The following MEGF8 variants were observed in gnomAD, a reference collection of about 807,000 sequenced individuals.
MEGF8 encodes multiple epidermal growth factor-like domains protein 8.
In MEGF8, 156 loss-of-function variants were observed where a neutral mutation model predicts 302.9. The ratio of observed to expected loss-of-function variants is 0.52; its 90% CI spans 0.45 to 0.59. MEGF8 has a LOEUF of 0.59. MEGF8 is among the 20% of genes least tolerant of loss of function. MEGF8 has a pLI of 0.00. For synonymous variants in MEGF8, 1,621 were observed against 1,660.5 expected (o/e 0.98, Z 0.58); for missense variants, 3,345 against 3,964.5 (o/e 0.84, Z 4.20).
In MEGF8 at chr19:42,356,925, G is replaced by A. The variant is rs758801392; in HGVS notation, c.4774G>A (p.Val1592Ile). Residue 1592 changes from valine to isoleucine, a missense_variant, in exon 27 of 42, where the codon GTC becomes ATC. Transcript: ENST00000251268. The surrounding 1 kb of genome is among the most constrained non-coding windows in gnomAD (Gnocchi z 5.2). ...GCTGGGGGGACTTACCGCTGGAGGC[G>A]TCACCCGTGATTTCTGGGTCCTCAA... is the stretch of plus-strand genomic sequence containing the variant. Reference protein sequence around the residue: ...YLLGGLTAGGVTRDFWVLNLT... With the variant: ...YLLGGLTAGGITRDFWVLNLT... 48 of 1,610,726 alleles carry A rather than the reference G, an allele frequency of 3.0e-5. No individual in the cohort carries two copies. The East Asian group carries it at 9.1e-4, about 31-fold the overall frequency.
rs1309792941 is a variant in MEGF8, at chr19:42,375,501, C to T, written c.7270-6C>T. ...TGATGGTCACCGCCTCTAACCCTGC[C>T]CGCAGTGCGCCAAGTGCCGGGAATC... On this transcript the variant is annotated splice_polypyrimidine_tract_variant and splice_region_variant and intron_variant, in intron 41 of 41. Transcript: ENST00000251268. This position sits in a 1 kb window ranked among gnomAD's most constrained non-coding sequence, Gnocchi z 7.1. The T allele has an allele frequency of 6.4e-7, 1 of 1,570,876 alleles. No homozygotes were observed. The highest frequency in any genetic ancestry group is 2.3e-5 in the East Asian group (1 of 42,700).
rs762452124 is a variant in MEGF8, at chr19:42,353,723, C to T, written c.3761+48C>T. On this transcript the variant is annotated intron_variant, in intron 21 of 41. Transcript: ENST00000251268. The surrounding 1 kb of genome is among the most constrained non-coding windows in gnomAD (Gnocchi z 6.1). The stretch of plus-strand genomic sequence containing the variant: ...GCTGGGTAGGGTGTGCTTGGGGACA[C>T]AGTGGGGAGGGTCAGGACTGGTCTG... 14 of 1,573,562 alleles carry T rather than the reference C, an allele frequency of 8.9e-6. No individual in the cohort carries two copies. The African/African-American group carries it at 1.3e-4, about 15-fold the overall frequency.
Position 42,353,624 on chromosome 19 carries a change from C to G in MEGF8, c.3710C>G (p.Thr1237Ser). ...LSGLCFCQDH[T>S]EGAHCQLCSP... The stretch of plus-strand genomic sequence containing the variant: ...GGGCTCTGCTTCTGCCAGGACCACA[C>G]CGAGGGTGCCCACTGCCAGCTCTGC... Residue 1237 changes from threonine (T) to serine (S), a missense_variant, in exon 21 of 42, where the codon ACC becomes AGC. Physicochemically the swap from Thr to Ser is moderately conservative, Grantham distance 58. Coordinates refer to ENST00000251268, the MANE Select transcript of MEGF8 (RefSeq NM_001271938.2). The surrounding 1 kb of genome is among the most constrained non-coding windows in gnomAD (Gnocchi z 6.1). 1 of 1,582,282 alleles carries G rather than the reference C, an allele frequency of 6.3e-7. No individual in the cohort carries two copies.
rs765821385 is a variant in MEGF8 at position 42,351,638 on chromosome 19, C to T, written c.2988-10C>T. The T allele has an allele frequency of 8.8e-6, 14 of 1,590,790 alleles. No individual in the cohort carries two copies. In the South Asian group the frequency reaches 1.6e-4, roughly 18 times the overall value. ...CTGGGGCTCTGACCCCCACCCCTGCCATCCTGCAGTGTACACTCGGAGCCA... is the reference window on the plus strand; with the variant it reads ...CTGGGGCTCTGACCCCCACCCCTGCTATCCTGCAGTGTACACTCGGAGCCA... On this transcript the variant is annotated splice_polypyrimidine_tract_variant and intron_variant, in intron 17 of 41. Coordinates refer to ENST00000251268, the MANE Select transcript of MEGF8 (RefSeq NM_001271938.2). The surrounding 1 kb of genome is among the most constrained non-coding windows in gnomAD (Gnocchi z 5.6).
intron 1 of MEGF8, among the ~76,000 whole-genome samples, chr19:42,328,463 G>A (rs764402861): frequency 1.2e-4 from 19 of 152,098 alleles, no homozygotes; most frequent in Non-Finnish European, 2.5e-4. Context: ...TCTGGCTGCT[G>A]TGTGGGGTAT....
At chr19:42,346,633 C>T (rs535843160) in intron 12 of MEGF8, among the ~76,000 whole-genome samples, 1 of 151,662 alleles carries the variant, frequency 6.6e-6, no homozygotes, top group Non-Finnish European at 1.5e-5. Flanking sequence ...CCCAAGATCA[C>T]GCCACTGCAT....
At position 42,344,187 on chromosome 19, in the gene MEGF8, T is replaced by C; in HGVS notation, c.1788+114T>C. 4 of 1,405,612 alleles carry C rather than the reference T, an allele frequency of 2.8e-6. No individual in the cohort carries two copies. The highest frequency in any genetic ancestry group is 3.8e-6 in the Non-Finnish European group (4 of 1,055,224). The allele number at this position is 1,405,612 out of a possible 1,614,324, so 87.1% of individuals were successfully genotyped here. ...CCCTCAACTGGGAGACTTGTTTTCATGCCGGAGATCCTCCTTCCTGATTCC... is the reference window on the plus strand; with the variant it reads ...CCCTCAACTGGGAGACTTGTTTTCACGCCGGAGATCCTCCTTCCTGATTCC... On this transcript the variant is annotated intron_variant, in intron 10 of 41. Coordinates refer to ENST00000251268, the MANE Select transcript of MEGF8 (RefSeq NM_001271938.2). The surrounding 1 kb of genome is among the most constrained non-coding windows in gnomAD (Gnocchi z 4.5).
chr19:42,373,178 C>T (rs1054838945), intron 41 of MEGF8, among the ~76,000 whole-genome samples: 17 of 151,738 alleles, frequency 1.1e-4, no homozygotes, highest in African/African-American at 2.2e-4. Flanking sequence ...CTGCAACCTC[C>T]GCCTCCCAGG....
intron 13 of MEGF8, among the ~76,000 whole-genome samples, chr19:42,348,826 T>C (rs2039327484): frequency 6.6e-6 from 1 of 152,218 alleles, no homozygotes; most frequent in Admixed American, 6.5e-5. Context: ...GGTTTGGAAC[T>C]CCTGACCTCA....
At chr19:42,335,259 C>T in intron 4 of MEGF8, 38 bp from the exon 5 acceptor site, 1 of 1,613,844 alleles carries the variant, frequency 6.2e-7, no homozygotes, top group East Asian at 2.2e-5. Flanking sequence ...GGCCCGGCAG[C>T]CTATGGCCAG....
chr19:42,363,105 A>T lies in MEGF8; in HGVS notation c.6116A>T (p.His2039Leu). The T allele has an allele frequency of 1.9e-6, 3 of 1,612,946 alleles. No individual in the cohort carries two copies. The South Asian group carries it at 3.3e-5, about 18-fold the overall frequency. The change falls in exon 35 of 42, where the codon CAC (histidine) becomes CTC (leucine). Residue 2039 changes from histidine to leucine, a missense_variant. Coordinates refer to ENST00000251268, the MANE Select transcript of MEGF8 (RefSeq NM_001271938.2). ...QPTYDWTCFSHSLLNVSPMPV... is the reference protein window; with the variant it reads ...QPTYDWTCFSLSLLNVSPMPV... Reference sequence around the variant, plus strand: ...ACCTATGACTGGACGTGCTTCAGCCACTCTCTGCTGAATGTGTCCCCCATG... The same window carrying T: ...ACCTATGACTGGACGTGCTTCAGCCTCTCTCTGCTGAATGTGTCCCCCATG...
Position 42,336,002 on chromosome 19 carries a change from C to T in MEGF8, c.900C>T (p.Asp300=), listed in dbSNP as rs1291964134. The T allele has an allele frequency of 6.5e-6, 10 of 1,542,246 alleles. No homozygotes were observed. In the East Asian group the frequency reaches 1.2e-4, roughly 19 times the overall value. Residue 300 remains aspartate, a synonymous_variant, in exon 6 of 42, where the codon GAC becomes GAT. Transcript: ENST00000251268. This position sits in a 1 kb window ranked among gnomAD's most constrained non-coding sequence, Gnocchi z 4.8. ...SLVLMGGELA[D]GSLTNDVWAF... ...TACTGATGGGTGGTGAGCTGGCTGA[C>T]GGCTCGCTCACCAACGACGTGTGGG...
chr19:42,351,753 A>T lies in MEGF8; in HGVS notation c.3093A>T (p.Thr1031=). The T allele has an allele frequency of 6.3e-7, 1 of 1,576,432 alleles. No individual in the cohort carries two copies. Among genetic ancestry groups the T allele is most frequent in the Non-Finnish European group, 8.6e-7 (1 of 1,162,016 alleles). The change falls in exon 18 of 42, where the codon ACA becomes ACT. Residue 1031 remains threonine, a synonymous_variant. Transcript: ENST00000251268. This position sits in a 1 kb window ranked among gnomAD's most constrained non-coding sequence, Gnocchi z 5.6. The stretch of plus-strand genomic sequence containing the variant: ...GGTGTGGCAATGAGGACAACCCCAC[A>T]CTGGGACGGTGAGCCCGGGCAGGTG... ...CGWCGNEDNP[T]LGRCLQGDFS... is the part of the protein sequence containing the mutation.
Position 42,336,245 on chromosome 19 carries a change from G to A in MEGF8, c.1143G>A (p.Pro381=), listed in dbSNP as rs573670934. The A allele has an allele frequency of 6.7e-5, 107 of 1,607,796 alleles. No homozygotes were observed. In the Admixed American group the frequency reaches 1.4e-3, roughly 22 times the overall value. ...TSGGYWEQVI[P]AGGRPPAATG... ...GGGGCTATTGGGAGCAGGTGATTCCGGCAGGCGGACGGCCCCCTGCTGCCA... is the reference window on the plus strand; with the variant it reads ...GGGGCTATTGGGAGCAGGTGATTCCAGCAGGCGGACGGCCCCCTGCTGCCA... Residue 381 remains proline (P), a synonymous_variant, in exon 6 of 42, where the codon CCG becomes CCA. Coordinates refer to ENST00000251268, the MANE Select transcript of MEGF8 (RefSeq NM_001271938.2). This position sits in a 1 kb window ranked among gnomAD's most constrained non-coding sequence, Gnocchi z 4.8.
At chr19:42,367,882 A>G (rs1027102742) in intron 35 of MEGF8, among the ~76,000 whole-genome samples, 1 of 152,076 alleles carries the variant, frequency 6.6e-6, no homozygotes, top group African/African-American at 2.4e-5. Flanking sequence ...TCATTTGCTT[A>G]TCTAAACAAT....
chr19:42,373,779 C>G (rs185055120), intron 41 of MEGF8, among the ~76,000 whole-genome samples: 3 of 137,790 alleles, frequency 2.2e-5, no homozygotes, highest in African/African-American at 8.1e-5. Context: ...ATGGCGCAAT[C>G]ATAGTTCACT....
In MEGF8 at chr19:42,362,408, T is replaced by A; in HGVS notation, c.5869T>A (p.Cys1957Ser). Residue 1957 changes from cysteine to serine, a missense_variant, in exon 34 of 42, where the codon TGT (cysteine) becomes AGT (serine). Cys to Ser is a moderately radical substitution (Grantham distance 112, BLOSUM62 -1). Coordinates refer to ENST00000251268, the MANE Select transcript of MEGF8 (RefSeq NM_001271938.2). ...GGCGTCCACCCCCCGCTGTAAGTGG[T>A]GTACCAACTGCCCCGAAGGTGCTTG... is the stretch of plus-strand genomic sequence containing the variant. Reference protein sequence around the residue: ...GEASTPRCKWCTNCPEGACIG... With the variant: ...GEASTPRCKWSTNCPEGACIG... 2.5e-6 allele frequency: 4 copies of A among 1,613,874 alleles called. No homozygotes were observed. The highest frequency in any genetic ancestry group is 3.4e-6 in the Non-Finnish European group (4 of 1,179,870).
chr19:42,369,750 C>G lies in MEGF8; in HGVS notation c.6834+27C>G, dbSNP rs376004343. On this transcript the variant is annotated intron_variant, in intron 38 of 41. Transcript: ENST00000251268. This position sits in a 1 kb window ranked among gnomAD's most constrained non-coding sequence, Gnocchi z 5.7. ...TGGGCCGCCCGGAGCCTCAGACCCC[C>G]GACCCTGGGACCCAGGCCCTCACTT... The G allele has an allele frequency of 6.4e-7, 1 of 1,571,946 alleles. No individual in the cohort carries two copies.
Position 42,349,825 on chromosome 19 carries a change from G to A in MEGF8, c.2499+126G>A, listed in dbSNP as rs1026740476. The A allele has an allele frequency of 3.0e-6, 3 of 1,013,674 alleles. No homozygotes were observed. The African/African-American group carries it at 4.8e-5, about 16-fold the overall frequency. 62.8% of individuals were successfully genotyped at this position (1,013,674 alleles called of 1,614,324 possible). ...TCTGGCCTCGGACTCCTTAACTCTT[G>A]GCCTCTGAACTCTGGACCTCCTCTT... On this transcript the variant is annotated intron_variant, in intron 14 of 41. Transcript: ENST00000251268.
Sources: gnomAD v4.1 joint callset for allele counts (sites outside exome capture counted in the v4.1 genomes callset) on GRCh38, gnomAD v4.1.1 for gene constraint, Gnocchi (gnomAD v3.1) non-coding constraint, MANE v1.5 for transcripts, NCBI Gene and HGNC (gene_info 2026-07-23, HGNC 2026-07-21) for gene names.